KPTN: variants seen among roughly 807,000 people sequenced by gnomAD.
The protein encoded by KPTN is kaptin, actin binding protein, also known as KICSTOR complex protein kaptin.
A neutral mutation model predicts 52.6 loss-of-function variants in KPTN; 36 were observed. That is an observed-to-expected ratio of 0.68 (90% confidence interval 0.52 to 0.90). KPTN has a LOEUF of 0.90. Among genes scored for constraint, KPTN ranks in the 40% least tolerant of loss-of-function variants. The pLI is 0.00. For synonymous variants in KPTN, 271 were observed against 248.4 expected (o/e 1.09, Z -0.85); for missense variants, 529 against 576.2 (o/e 0.92, Z 0.84).
chr19:47,483,486 AG>A lies in KPTN; in HGVS notation c.309+15del. On this transcript the variant is annotated intron_variant, in intron 2 of 11. Coordinates refer to ENST00000338134, the MANE Select transcript of KPTN (RefSeq NM_007059.4). ...TAAGGAGGAGGGCGAAGGGAGGTGGAGGGGGCTCTAGGTACCTTGATGAACG... is the reference window on the plus strand; with the variant it reads ...TAAGGAGGAGGGCGAAGGGAGGTGGAGGGGCTCTAGGTACCTTGATGAACG... 2 of 1,598,964 alleles carry A rather than the reference AG, an allele frequency of 1.3e-6. No individual in the cohort carries two copies. The highest frequency in any genetic ancestry group is 1.7e-6 in the Non-Finnish European group (2 of 1,171,078).
At chr19:47,484,436 T>C, upstream of KPTN, 1 of 531,568 alleles carries the variant, frequency 1.9e-6, no homozygotes, top group Non-Finnish European at 3.3e-6. Context: ...TGGGAGGTGG[T>C]GGCCACGGCC....
At position 47,475,558 on chromosome 19, in the gene KPTN, G is replaced by C; in HGVS notation, c.1183-14C>G. The C allele has an allele frequency of 6.8e-6, 11 of 1,610,866 alleles. No individual in the cohort carries two copies. Among genetic ancestry groups the C allele is most frequent in the Non-Finnish European group, 9.3e-6 (11 of 1,177,710 alleles). ...AATCAGGCTGTGCTGTGGGGAACAA[G>C]AGAATGAGGGGGATGGAGCTGAGGA... On this transcript the variant is annotated splice_polypyrimidine_tract_variant and intron_variant, in intron 11 of 11. Transcript: ENST00000338134.
Position 47,480,818 on chromosome 19 carries a change from G to A in KPTN, c.541C>T (p.Gln181Ter). The A allele has an allele frequency of 6.2e-7, 1 of 1,614,006 alleles. No individual in the cohort carries two copies. Among genetic ancestry groups the A allele is most frequent in the Non-Finnish European group, 8.5e-7 (1 of 1,180,010 alleles). The part of the protein sequence containing the change: ...HLYKENEGLH[Q>*]FEEQPVENLF... ...TTTTCCACGGGCTGTTCCTCAAACTGATGCAGCCCCTCGTTCTGGGGAAAC... is the reference window on the plus strand; with the variant it reads ...TTTTCCACGGGCTGTTCCTCAAACTAATGCAGCCCCTCGTTCTGGGGAAAC... Residue 181 changes from glutamine to a stop codon, truncating the protein, a stop_gained, in exon 6 of 12, where the codon CAG becomes TAG. Transcript: ENST00000338134. LOFTEE classifies it high-confidence loss of function.
rs146943486 is a variant in KPTN at position 47,478,146 on chromosome 19, G to T, written c.788-365C>A. On this transcript the variant is annotated intron_variant, in intron 8 of 11. Coordinates refer to ENST00000338134, the MANE Select transcript of KPTN (RefSeq NM_007059.4). ...TTCCAGGCTCCTCGTCATACCCCAGGCCCCTTTAATGAGAGACATGCAGGT... is the reference window on the plus strand; with the variant it reads ...TTCCAGGCTCCTCGTCATACCCCAGTCCCCTTTAATGAGAGACATGCAGGT... Among the ~76,000 whole-genome samples the T allele has an allele frequency of 3.1e-3, 471 of 152,212 alleles. 2 individuals are homozygous for T. The highest frequency in any genetic ancestry group is 0.011 in the African/African-American group (440 of 41,528).
intron 1 of KPTN, 122 bp downstream of exon 1, chr19:47,483,813 A>AC: frequency 1.5e-6 from 2 of 1,345,766 alleles, no homozygotes; most frequent in Non-Finnish European, 2.0e-6. Flanking sequence ...GATCCCAGTG[A>AC]CCCCCTTAAA....
In KPTN at chr19:47,483,498, G is replaced by A; in HGVS notation, c.309+4C>T. On this transcript the variant is annotated splice_donor_region_variant and intron_variant, in intron 2 of 11. Coordinates refer to ENST00000338134, the MANE Select transcript of KPTN (RefSeq NM_007059.4). The stretch of plus-strand genomic sequence containing the variant: ...CGAAGGGAGGTGGAGGGGGCTCTAG[G>A]TACCTTGATGAACGTGATCCCCACA... The A allele has an allele frequency of 6.3e-7, 1 of 1,597,430 alleles. No individual in the cohort carries two copies. The highest frequency in any genetic ancestry group is 8.5e-7 in the Non-Finnish European group (1 of 1,171,122).
intron 1 of KPTN, 46 bp downstream of exon 1, chr19:47,483,889 C>T: frequency 6.2e-7 from 1 of 1,608,580 alleles, no homozygotes; most frequent in Non-Finnish European, 8.5e-7. Flanking sequence ...GCCTTCTCAA[C>T]ACCACGTTCC....
At chr19:47,478,611 C>T (rs908647955) in intron 8 of KPTN, among the ~76,000 whole-genome samples, 1 of 118,628 alleles carries the variant, frequency 8.4e-6, no homozygotes, top group Admixed American at 9.6e-5. Flanking sequence ...TGTATGTTTA[C>T]AACAGCCCAA....
At chr19:47,483,857 C>G in intron 1 of KPTN, 78 bp downstream of exon 1, 1 of 1,570,352 alleles carries the variant, frequency 6.4e-7, no homozygotes, top group Non-Finnish European at 8.7e-7. Flanking sequence ...CACGGTGACC[C>G]GGCTCAGACA....
chr19:47,477,876 A>G (rs1249444269), intron 8 of KPTN, 95 bp from the exon 9 acceptor site: 2 of 778,094 alleles, frequency 2.6e-6, no homozygotes, highest in Admixed American at 2.0e-5. Flanking sequence ...CCTGGTCAAC[A>G]TGATAAAACC....
chr19:47,479,688 G>A (rs1464437010), intron 8 of KPTN, among the ~76,000 whole-genome samples, 175 bp downstream of exon 8: 1 of 152,056 alleles, frequency 6.6e-6, no homozygotes, highest in East Asian at 1.9e-4. Context: ...AGAGGGGAGG[G>A]GAGGGAAGAG....
At chr19:47,480,470 C>A in intron 6 of KPTN, 63 bp from the exon 7 acceptor site, 2 of 1,236,270 alleles carry the variant, frequency 1.6e-6, no homozygotes, top group Non-Finnish European at 2.3e-6. Context: ...GCCCCTCTGC[C>A]TCCCCAGGGG....
At chr19:47,483,474 G>A (rs2293423) in intron 2 of KPTN, 28 bp downstream of exon 2, 2 of 1,598,538 alleles carry the variant, frequency 1.3e-6, no homozygotes, top group African/African-American at 1.3e-5. Context: ...GGAGGAGGGC[G>A]AAGGGAGGTG....
chr19:47,475,649 A>C, intron 11 of KPTN, 105 bp from the exon 12 acceptor site: 1 of 1,366,930 alleles, frequency 7.3e-7, no homozygotes, highest in Non-Finnish European at 1.0e-6. Flanking sequence ...AGCTCGGCCC[A>C]CGTGGGAGGG....
intron 8 of KPTN, 33 bp from the exon 9 acceptor site, chr19:47,477,814 C>T: frequency 1.3e-6 from 2 of 1,532,254 alleles, no homozygotes; most frequent in Admixed American, 3.3e-5. Context: ...AATCCCAGCA[C>T]TTTGGGAGGC....
At chr19:47,481,503 C>T (rs763844385) in intron 4 of KPTN, 11 of 156,896 alleles carry the variant, frequency 7.0e-5, no homozygotes, top group Admixed American at 1.2e-4. Context: ...TTCAGATTCA[C>T]GGAATGATAG....
intron 3 of KPTN, 31 bp downstream of exon 3, chr19:47,483,264 C>G (rs750069541): frequency 1.2e-6 from 2 of 1,613,328 alleles, no homozygotes; most frequent in Non-Finnish European, 1.7e-6. Context: ...GCTGGGGACT[C>G]TCTCCCTCCT....
chr19:47,485,526 C>T (rs556561928), upstream of KPTN, among the ~76,000 whole-genome samples: 5 of 152,296 alleles, frequency 3.3e-5, no homozygotes, highest in African/African-American at 4.8e-5. Flanking sequence ...CTGGACACCT[C>T]GAGCACACAC....
At chr19:47,483,132 G>C (rs1364353376) in intron 4 of KPTN, 29 bp downstream of exon 4, 1 of 1,608,584 alleles carries the variant, frequency 6.2e-7, no homozygotes. Flanking sequence ...TTACAGTGGA[G>C]TGGGCGTCGA....
Sources: allele counts gnomAD v4.1 joint callset (sites outside exome capture counted in the v4.1 genomes callset), GRCh38; gene constraint gnomAD v4.1.1; transcripts MANE v1.5; gene names NCBI Gene and HGNC (gene_info 2026-07-23, HGNC 2026-07-21).